The following NRXN3 variants were observed in gnomAD, a reference collection of about 807,000 sequenced individuals.
NRXN3 encodes neurexin III.
NRXN3 carries 32 observed loss-of-function variants against 137.6 expected under a neutral mutation model. The observed-to-expected ratio is 0.23, with a 90% CI of 0.18 to 0.31. NRXN3 has a LOEUF of 0.31. Ranked by LOEUF, NRXN3 falls within the 10% of genes least tolerant of loss-of-function variation. The pLI is 1.00. For synonymous variants in NRXN3, 798 were observed against 784.5 expected (o/e 1.02, Z -0.29); for missense variants, 1,574 against 2,062.5 (o/e 0.76, Z 4.59).
chr14:79,100,421 G>A (rs1295745820), intron 15 of NRXN3, among the ~76,000 whole-genome samples: 1 of 152,170 alleles, frequency 6.6e-6, no homozygotes, highest in Non-Finnish European at 1.5e-5. Flanking sequence ...GCAATATTTA[G>A]TCTTGCTTTT....
chr14:79,860,915 T>A (rs1307839224), intron 20 of NRXN3: 4 of 609,616 alleles, frequency 6.6e-6, no homozygotes, highest in Non-Finnish European at 5.0e-6. Context: ...ATGATTAGAC[T>A]CCATCCAGAA....
intron 4 of NRXN3, among the ~76,000 whole-genome samples, chr14:78,435,107 G>C (rs1447669181): frequency 6.6e-6 from 1 of 152,174 alleles, no homozygotes; most frequent in Non-Finnish European, 1.5e-5. Context: ...TGTGCAATCT[G>C]GCTGAATTAT....
chr14:78,514,778 G>T (rs2153793262), intron 4 of NRXN3, among the ~76,000 whole-genome samples: 2 of 152,222 alleles, frequency 1.3e-5, no homozygotes, highest in South Asian at 4.1e-4. Flanking sequence ...GACTATAAGG[G>T]TCAAACACCA....
chr14:78,287,691 A>G (rs907668813), intron 3 of NRXN3, among the ~76,000 whole-genome samples: 1 of 152,188 alleles, frequency 6.6e-6, no homozygotes, highest in African/African-American at 2.4e-5. Flanking sequence ...CACCACCTGT[A>G]TGGCTTCCAG....
At chr14:78,983,024 A>G (rs2099493398) in intron 14 of NRXN3, among the ~76,000 whole-genome samples, 1 of 152,206 alleles carries the variant, frequency 6.6e-6, no homozygotes, top group Non-Finnish European at 1.5e-5. Context: ...GCCAACATAT[A>G]TATGAAAAAA....
chr14:79,639,092 T>C (rs1187838343), intron 16 of NRXN3, among the ~76,000 whole-genome samples: 1 of 152,008 alleles, frequency 6.6e-6, no homozygotes, highest in African/African-American at 2.4e-5. Context: ...ACCCTCTCCG[T>C]CTTACCCACA....
chr14:79,574,222 CCACACA>C (rs139060549), intron 16 of NRXN3, among the ~76,000 whole-genome samples: 1 of 147,624 alleles, frequency 6.8e-6, no homozygotes, highest in African/African-American at 2.5e-5. Context: ...GTGCATGCAC[CCACACA>C]CACACACACA....
intron 15 of NRXN3, among the ~76,000 whole-genome samples, chr14:79,408,326 G>A (rs1350021853): frequency 2.0e-5 from 3 of 152,018 alleles, no homozygotes; most frequent in Admixed American, 6.6e-5. Context: ...TATGCTGTAG[G>A]GTCCAACCTA....
chr14:78,767,352 T>G (rs898365024), intron 8 of NRXN3, among the ~76,000 whole-genome samples: 9 of 152,240 alleles, frequency 5.9e-5, no homozygotes, highest in African/African-American at 1.9e-4. Flanking sequence ...TATTTACTAA[T>G]GTAATCACAG....
At chr14:79,143,066 C>T (rs917709167) in intron 15 of NRXN3, among the ~76,000 whole-genome samples, 4 of 152,070 alleles carry the variant, frequency 2.6e-5, no homozygotes, top group Non-Finnish European at 5.9e-5. Context: ...AAAGCAGTTA[C>T]GGCAGCCCTC....
intron 8 of NRXN3, among the ~76,000 whole-genome samples, chr14:78,797,841 A>G (rs564351409): frequency 1.3e-3 from 202 of 152,258 alleles, no homozygotes; most frequent in Non-Finnish European, 2.2e-3. Flanking sequence ...AGAAAATGAG[A>G]GCCAGGCAAA....
At chr14:78,785,100 A>T (rs1351622308) in intron 8 of NRXN3, among the ~76,000 whole-genome samples, 4 of 152,250 alleles carry the variant, frequency 2.6e-5, no homozygotes, top group Admixed American at 1.3e-4. Flanking sequence ...AGAGAAAAAG[A>T]TAAAATGAAC....
intron 4 of NRXN3, among the ~76,000 whole-genome samples, chr14:78,550,005 G>A (rs906133506): frequency 1.3e-5 from 2 of 151,212 alleles, no homozygotes; most frequent in Non-Finnish European, 2.9e-5. Context: ...TTTCCTAGAG[G>A]AGGAGACAAA....
In NRXN3 at chr14:78,713,286, C is replaced by T. The variant is rs78183866; in HGVS notation, c.1661-1470C>T. ...TCTGCTTAGCTCTCTGACTTGATCT[C>T]CTGCTCACCCCCTCTTGCCTTCTCT... On this transcript the variant is annotated intron_variant, in intron 7 of 20. Coordinates refer to ENST00000335750, the MANE Select transcript of NRXN3 (RefSeq NM_001330195.2). 7.4e-3 allele frequency among the ~76,000 whole-genome samples: 1,126 copies of T among 152,268 alleles called. 4 individuals carry two copies. Among genetic ancestry groups the T allele is most frequent in the Non-Finnish European group, 0.012 (802 of 68,020 alleles).
intron 1 of NRXN3, among the ~76,000 whole-genome samples, chr14:78,177,546 T>C (rs1237153015): frequency 6.6e-6 from 1 of 152,136 alleles, no homozygotes; most frequent in East Asian, 1.9e-4. Flanking sequence ...TGTTTAGGCC[T>C]TTGTCCTAGT....
At chr14:78,215,608 C>T (rs2063171246) in intron 1 of NRXN3, among the ~76,000 whole-genome samples, 1 of 152,110 alleles carries the variant, frequency 6.6e-6, no homozygotes, top group African/African-American at 2.4e-5. Context: ...AAATTGCATT[C>T]TGGAGGTCTT....
intron 19 of NRXN3, among the ~76,000 whole-genome samples, chr14:79,728,716 C>G (rs1428042838): frequency 6.6e-6 from 1 of 152,188 alleles, no homozygotes; most frequent in East Asian, 1.9e-4. Context: ...CACCATTTAT[C>G]TTTGCACACT....
chr14:79,433,307 C>G (rs1342279543), intron 15 of NRXN3, among the ~76,000 whole-genome samples: 1 of 152,126 alleles, frequency 6.6e-6, no homozygotes, highest in African/African-American at 2.4e-5. Flanking sequence ...AAAAGAAGGA[C>G]TGTTGGGACA....
intron 10 of NRXN3, among the ~76,000 whole-genome samples, chr14:78,815,479 CT>C (rs61411777): frequency 3.2e-3 from 268 of 84,440 alleles, no homozygotes; most frequent in African/African-American, 0.011. Flanking sequence ...TTGTTTCTTT[CT>C]TTTTTTTTTT....
Sources: allele counts gnomAD v4.1 joint callset (sites outside exome capture counted in the v4.1 genomes callset), GRCh38; gene constraint gnomAD v4.1.1; transcripts MANE v1.5; gene names NCBI Gene and HGNC (gene_info 2026-07-23, HGNC 2026-07-21).